TTC39C: variants seen among roughly 807,000 people sequenced by gnomAD.
TTC39C encodes tetratricopeptide repeat protein 39C.
TTC39C carries 33 observed loss-of-function variants against 76.3 expected under a neutral mutation model. The ratio of observed to expected loss-of-function variants is 0.43; its 90% CI spans 0.33 to 0.58. The LOEUF (loss-of-function observed/expected upper bound fraction) is 0.58, where lower values mean the gene tolerates loss of function less well. TTC39C is among the 20% of genes least tolerant of loss of function. The pLI, the probability that TTC39C is intolerant of heterozygous loss-of-function variation, is 0.04. For missense variants in TTC39C, 595 were observed against 701.4 expected, an observed-to-expected ratio of 0.85 and a Z score of 1.71; for synonymous variants, 254 against 260.6, an observed-to-expected ratio of 0.97 and a Z score of 0.24.
chr18:24,114,686 T>C (rs2084869422), intron 7 of TTC39C, 39 bp downstream of exon 7: 1 of 1,485,094 alleles, frequency 6.7e-7, no homozygotes. Flanking sequence ...TGTTAAGAAG[T>C]AGTATTAATG....
chr18:23,996,668 T>G (rs557245255), intron 1 of TTC39C, among the ~76,000 whole-genome samples: 12 of 152,226 alleles, frequency 7.9e-5, no homozygotes, highest in Non-Finnish European at 1.3e-4. Context: ...CCATACCTAC[T>G]AAATCAGGAC....
intron 1 of TTC39C, chr18:24,015,241 T>C (rs1386721988): frequency 6.3e-6 from 3 of 473,532 alleles, no homozygotes; most frequent in African/African-American, 4.1e-5. Flanking sequence ...CCCGGCTCCG[T>C]TGTCCTTTCC....
intron 2 of TTC39C, among the ~76,000 whole-genome samples, chr18:24,064,764 GA>G (rs978769744): frequency 3.0e-4 from 45 of 150,418 alleles, no homozygotes; most frequent in African/African-American, 9.5e-4. Flanking sequence ...GTAACAGCAA[GA>G]AAAAAAAAGA....
chr18:24,131,888 G>C lies in TTC39C; in HGVS notation c.1630G>C (p.Gly544Arg). The C allele has an allele frequency of 6.2e-7, 1 of 1,612,080 alleles. No homozygotes were observed. The highest frequency in any genetic ancestry group is 1.7e-5 in the Admixed American group (1 of 59,524). The change falls in exon 13 of 14, where the codon GGA becomes CGA. Residue 544 changes from glycine to arginine, a missense_variant. Gly to Arg is a moderately radical substitution (Grantham distance 125). Transcript: ENST00000317571. ...CLLLDKPETV[G>R]RGRALLLQAK... ...TAATGTGTTTTTCTTATAGACTGTA[G>C]GAAGAGGCAGAGCTCTACTTCTTCA...
chr18:24,023,953 TATATATATATATATATATATATATATAC>T (rs1483888007), intron 1 of TTC39C, among the ~76,000 whole-genome samples: 1 of 11,028 alleles, frequency 9.1e-5, no homozygotes. Flanking sequence ...TATGCATGTA[TATATATATATATATATATATATATATAC>T]ATATATATAT....
chr18:24,125,550 G>A lies in TTC39C; in HGVS notation c.1420G>A (p.Ala474Thr), dbSNP rs1191085125. Residue 474 changes from alanine to threonine, a missense_variant and splice_region_variant, in exon 10 of 14, where the codon GCT becomes ACT. Transcript: ENST00000317571. ...CCCCAACCTGCAGAGGATGAGTCAAGGTAAAAAATTTAAAAAAACCCAAAA... is the reference window on the plus strand; with the variant it reads ...CCCCAACCTGCAGAGGATGAGTCAAAGTAAAAAATTTAAAAAAACCCAAAA... ...SFPNLQRMSQ[A>T]CHEVDDSSVV... 1 of 1,613,982 alleles carries A rather than the reference G, an allele frequency of 6.2e-7. No individual in the cohort carries two copies. The highest frequency in any genetic ancestry group is 1.7e-5 in the Admixed American group (1 of 59,976).
intron 1 of TTC39C, among the ~76,000 whole-genome samples, chr18:24,053,718 G>A (rs1202834155): frequency 6.6e-6 from 1 of 152,228 alleles, no homozygotes; most frequent in African/African-American, 2.4e-5. Context: ...GGAACCACAA[G>A]TACAGACTAT....
At chr18:24,048,549 A>G (rs1244788805) in intron 1 of TTC39C, among the ~76,000 whole-genome samples, 2 of 152,238 alleles carry the variant, frequency 1.3e-5, no homozygotes, top group African/African-American at 4.8e-5. Context: ...AAATTTTGAA[A>G]GAAGGACATG....
At chr18:24,089,329 A>G (rs1167635953) in intron 6 of TTC39C, among the ~76,000 whole-genome samples, 1 of 152,142 alleles carries the variant, frequency 6.6e-6, no homozygotes, top group African/African-American at 2.4e-5. Context: ...TATTTATAGG[A>G]TCAGGAAAAA....
rs187919125 is a variant in TTC39C at position 24,056,053 on chromosome 18, G to A, written c.168-8087G>A. Among the ~76,000 whole-genome samples the A allele has an allele frequency of 2.5e-3, 381 of 152,310 alleles. 4 individuals carry two copies. The highest frequency in any genetic ancestry group is 9.7e-3 in the South Asian group (47 of 4,828). On this transcript the variant is annotated intron_variant, in intron 1 of 13. Transcript: ENST00000317571. The stretch of plus-strand genomic sequence containing the variant: ...TGGCAAAAATTGTGTTTCTGAAGGC[G>A]AGGTCTGAGGCATTAGAGAAGCATT...
chr18:24,061,616 A>G (rs938930123), intron 1 of TTC39C, among the ~76,000 whole-genome samples: 1 of 151,064 alleles, frequency 6.6e-6, no homozygotes, highest in South Asian at 2.1e-4. Flanking sequence ...AAAAAAAAAA[A>G]GCGTGGGCTG....
intron 1 of TTC39C, among the ~76,000 whole-genome samples, chr18:24,027,682 C>T (rs746499864): frequency 5.9e-5 from 9 of 151,944 alleles, no homozygotes; most frequent in Non-Finnish European, 1.3e-4. Context: ...GCCTTAGCCT[C>T]CTGAGTAGCT....
At chr18:24,109,795 G>C (rs889228529) in intron 6 of TTC39C, among the ~76,000 whole-genome samples, 1 of 151,946 alleles carries the variant, frequency 6.6e-6, no homozygotes, top group African/African-American at 2.4e-5. Flanking sequence ...ACTTGAGGTC[G>C]GGAGCTCGAG....
intron 7 of TTC39C, among the ~76,000 whole-genome samples, chr18:24,117,668 C>T (rs2084912554): frequency 6.7e-6 from 1 of 150,296 alleles, no homozygotes; most frequent in African/African-American, 2.5e-5. Flanking sequence ...TGCCATTGCA[C>T]TCCAACCTGG....
chr18:24,026,023 A>G (rs941059118), intron 1 of TTC39C, among the ~76,000 whole-genome samples: 4 of 152,224 alleles, frequency 2.6e-5, no homozygotes, highest in African/African-American at 9.6e-5. Flanking sequence ...CCTAAACACC[A>G]GTCACACACA....
At chr18:24,124,082 G>T in intron 9 of TTC39C, 139 bp downstream of exon 9, 1 of 572,372 alleles carries the variant, frequency 1.7e-6, no homozygotes, top group Admixed American at 3.3e-5. Flanking sequence ...GCCATGCAGA[G>T]GATTCTCTCC....
chr18:24,120,563 C>G (rs1378006163), intron 8 of TTC39C, among the ~76,000 whole-genome samples: 1 of 152,154 alleles, frequency 6.6e-6, no homozygotes, highest in Non-Finnish European at 1.5e-5. Flanking sequence ...GCATCATTTA[C>G]CATTTGAACT....
intron 4 of TTC39C, among the ~76,000 whole-genome samples, chr18:24,075,650 C>G (rs902591010): frequency 2.1e-5 from 3 of 141,170 alleles, no homozygotes; most frequent in Non-Finnish European, 3.0e-5. Flanking sequence ...TGCCACTGCA[C>G]TGCAGCCTGA....
chr18:24,045,927 ATTTTTTTTT>A (rs1156578816), intron 1 of TTC39C, among the ~76,000 whole-genome samples: 7 of 25,664 alleles, frequency 2.7e-4, no homozygotes, highest in South Asian at 4.6e-3. Context: ...ATATATATAT[ATTTTTTTTT>A]TTTTTTTTTT....
Sources: allele counts gnomAD v4.1 joint callset (sites outside exome capture counted in the v4.1 genomes callset), GRCh38; gene constraint gnomAD v4.1.1; transcripts MANE v1.5; gene names NCBI Gene and HGNC (gene_info 2026-07-23, HGNC 2026-07-21).